The following NPSR1 variants were observed in gnomAD, a reference collection of about 807,000 sequenced individuals.
NPSR1 encodes neuropeptide S receptor.
NPSR1 carries 48 observed loss-of-function variants against 46.9 expected under a neutral mutation model. That is an observed-to-expected ratio of 1.02 (90% CI 0.81 to 1.30). The LOEUF is 1.30. NPSR1 is among the 50% of genes most tolerant of loss of function. The probability of loss-of-function intolerance (pLI) is 0.00; values close to 1 mark genes in which losing one functional copy is unlikely to be tolerated. For missense variants in NPSR1, 450 were observed against 449.5 expected (o/e 1.00, Z -0.01); for synonymous variants, 176 against 168.1 (o/e 1.05, Z -0.36).
chr7:34,860,305 A>G (rs1441000925), intron 8 of NPSR1, among the ~76,000 whole-genome samples: 2 of 151,824 alleles, frequency 1.3e-5, no homozygotes. Context: ...CCTCAAAAAG[A>G]CCAAACAAGT....
At chr7:34,705,476 A>G (rs1471883312) in intron 2 of NPSR1, among the ~76,000 whole-genome samples, 7 of 150,352 alleles carry the variant, frequency 4.7e-5, no homozygotes, top group Non-Finnish European at 1.0e-4. Flanking sequence ...AGCCTTTCAC[A>G]CTTTCTCTCA....
chr7:34,864,506 A>G (rs1791265411), intron 8 of NPSR1, among the ~76,000 whole-genome samples: 1 of 151,832 alleles, frequency 6.6e-6, no homozygotes, highest in Non-Finnish European at 1.5e-5. Context: ...TCAATGATTA[A>G]TGTACAAAGA....
At chr7:34,718,426 T>C (rs1783680227) in intron 2 of NPSR1, among the ~76,000 whole-genome samples, 1 of 152,162 alleles carries the variant, frequency 6.6e-6, no homozygotes, top group Non-Finnish European at 1.5e-5. Context: ...TAGTTTTGAC[T>C]TTGCAGATCC....
intron 3 of NPSR1, among the ~76,000 whole-genome samples, chr7:34,791,288 T>A (rs1363777569): frequency 7.1e-6 from 1 of 141,168 alleles, no homozygotes; most frequent in African/African-American, 2.6e-5. Flanking sequence ...ATAATATAGA[T>A]AATATATAAA....
chr7:34,682,134 T>C (rs1362071764), intron 1 of NPSR1, among the ~76,000 whole-genome samples: 1 of 152,132 alleles, frequency 6.6e-6, no homozygotes, highest in African/African-American at 2.4e-5. Context: ...GAAAAGCTTC[T>C]GGAAAATTGG....
intron 3 of NPSR1, among the ~76,000 whole-genome samples, chr7:34,782,047 A>G (rs1380455591): frequency 5.9e-5 from 9 of 152,174 alleles, no homozygotes; most frequent in Admixed American, 4.6e-4. Context: ...GCCCTGGGCA[A>G]CAGCTCAGCC....
At chr7:34,870,126 G>C (rs182077178) in intron 8 of NPSR1, among the ~76,000 whole-genome samples, 3 of 152,010 alleles carry the variant, frequency 2.0e-5, no homozygotes, top group Non-Finnish European at 4.4e-5. Context: ...TATCAAAGCA[G>C]TTTTGGACTC....
rs1055294946 is a variant in NPSR1, at chr7:34,731,973, G to A, written c.281-46489G>A. On this transcript the variant is annotated intron_variant, in intron 2 of 8. Transcript: ENST00000360581. ...AGGCGGGCAGATCACCTAAGGTCAG[G>A]AGTTCAAGACCAGCCTGGCCAACAT... is the stretch of plus-strand genomic sequence containing the variant. Among the ~76,000 whole-genome samples the A allele has an allele frequency of 2.0e-4, 30 of 150,822 alleles. 1 individual carries two copies. The highest frequency in any genetic ancestry group is 2.1e-4 in the South Asian group (1 of 4,794).
In NPSR1 at chr7:34,828,713, T is replaced by C. The variant is rs1469618178; in HGVS notation, c.680+1111T>C. On this transcript the variant is annotated intron_variant, in intron 5 of 8. Transcript: ENST00000360581. Reference sequence around the variant, plus strand: ...AAATCCTTGTACTTAAAACTGTACATGAGTCTCTGGTTATTTCCTCATAAC... The same window carrying C: ...AAATCCTTGTACTTAAAACTGTACACGAGTCTCTGGTTATTTCCTCATAAC... Among the ~76,000 whole-genome samples, 3 of 152,380 alleles carry C rather than the reference T, an allele frequency of 2.0e-5. No homozygotes were observed. In the East Asian group the frequency reaches 5.8e-4, roughly 29 times the overall value.
intron 3 of NPSR1, among the ~76,000 whole-genome samples, chr7:34,787,793 T>G (rs1787531626): frequency 6.6e-6 from 1 of 152,140 alleles, no homozygotes; most frequent in Admixed American, 6.6e-5. Context: ...ATTTATCAGT[T>G]AAGTTTGTCA....
intron 2 of NPSR1, among the ~76,000 whole-genome samples, chr7:34,749,353 A>G (rs1218555761): frequency 1.3e-5 from 2 of 152,218 alleles, no homozygotes; most frequent in Non-Finnish European, 2.9e-5. Flanking sequence ...TCTTTCAAGG[A>G]TAAAGGGAAG....
intron 1 of NPSR1, among the ~76,000 whole-genome samples, chr7:34,669,371 T>G (rs1406734264): frequency 6.6e-6 from 1 of 152,132 alleles, no homozygotes; most frequent in Non-Finnish European, 1.5e-5. Flanking sequence ...GAGACCAGCC[T>G]GGCCAACATG....
chr7:34,671,571 C>A, intron 1 of NPSR1, among the ~76,000 whole-genome samples: 1 of 152,108 alleles, frequency 6.6e-6, no homozygotes, highest in African/African-American at 2.4e-5. Flanking sequence ...CCAATGAAAA[C>A]CAAGGCAGAT....
intron 2 of NPSR1, among the ~76,000 whole-genome samples, chr7:34,704,717 G>A (rs1794013884): frequency 6.6e-6 from 1 of 152,168 alleles, no homozygotes; most frequent in African/African-American, 2.4e-5. Context: ...AAAAAGGCAG[G>A]GTCTCAGCTA....
intron 8 of NPSR1, among the ~76,000 whole-genome samples, chr7:34,875,565 A>C (rs1791554939): frequency 1.3e-5 from 2 of 152,072 alleles, no homozygotes; most frequent in African/African-American, 4.8e-5. Flanking sequence ...GAGATCCCCA[A>C]ATGTGAGGCA....
chr7:34,862,475 TG>T (rs1791212394), intron 8 of NPSR1, among the ~76,000 whole-genome samples: 1 of 151,812 alleles, frequency 6.6e-6, no homozygotes, highest in African/African-American at 2.4e-5. Flanking sequence ...TTCTCTTTCC[TG>T]CTCTTTCATT....
intron 3 of NPSR1, among the ~76,000 whole-genome samples, chr7:34,797,579 T>C (rs954894293): frequency 1.3e-5 from 2 of 151,494 alleles, no homozygotes; most frequent in South Asian, 2.1e-4. Context: ...ATAACAGAAA[T>C]ACCAAAAAAA....
At chr7:34,685,646 T>G in intron 2 of NPSR1, 1 of 400,402 alleles carries the variant, frequency 2.5e-6, no homozygotes, top group Non-Finnish European at 4.9e-6. Context: ...TAGAATTTAG[T>G]CTTGAGCCAT....
intron 8 of NPSR1, among the ~76,000 whole-genome samples, chr7:34,863,315 T>C (rs1791233500): frequency 1.3e-5 from 2 of 151,532 alleles, no homozygotes; most frequent in Non-Finnish European, 2.9e-5. Context: ...AGGACATAGG[T>C]ATGGGCAAAG....
Sources: gnomAD v4.1 joint callset for allele counts (sites outside exome capture counted in the v4.1 genomes callset) on GRCh38, gnomAD v4.1.1 for gene constraint, MANE v1.5 for transcripts, NCBI Gene and HGNC (gene_info 2026-07-23, HGNC 2026-07-21) for gene names.